TBC1D30: variants seen among roughly 807,000 people sequenced by gnomAD.
TBC1D30 encodes TBC1 domain family, member 30.
A neutral mutation model predicts 63.2 loss-of-function variants in TBC1D30; 31 were observed. The ratio of observed to expected loss-of-function variants is 0.49; its 90% CI spans 0.37 to 0.66. The LOEUF (loss-of-function observed/expected upper bound fraction) is 0.66, where lower values mean the gene tolerates loss of function less well. Among genes scored for constraint, TBC1D30 ranks in the 30% least tolerant of loss-of-function variants. The pLI, the probability that TBC1D30 is intolerant of heterozygous loss-of-function variation, is 0.00. For missense variants in TBC1D30, 810 were observed against 953.6 expected, an observed-to-expected ratio of 0.85 and a Z score of 1.98; for synonymous variants, 307 against 361.5, an observed-to-expected ratio of 0.85 and a Z score of 1.71.
At chr12:64,781,404 CTT>C (rs1871280161) in intron 1 of TBC1D30, 7 of 959,930 alleles carry the variant, frequency 7.3e-6, no homozygotes, top group South Asian at 8.2e-5. Flanking sequence ...GATACTGTCT[CTT>C]TGGATCTGAC....
At chr12:64,785,949 C>T in exon 2 of TBC1D30, 1 of 1,289,858 alleles carries the variant, frequency 7.8e-7, no homozygotes, top group South Asian at 1.2e-5. Context: ...GGCCAAGTTA[C>T]TTCGGCATCT....
At chr12:64,838,154 A>G (rs1001410322) in intron 6 of TBC1D30, among the ~76,000 whole-genome samples, 3 of 152,144 alleles carry the variant, frequency 2.0e-5, no homozygotes, top group Non-Finnish European at 4.4e-5. Context: ...TTTAAATGTA[A>G]TGTTTATTCT....
chr12:64,836,448 G>A (rs1186299019), intron 5 of TBC1D30, 42 bp from the exon 6 acceptor site: 14 of 1,492,534 alleles, frequency 9.4e-6, no homozygotes, highest in Non-Finnish European at 1.3e-5. Context: ...TGGGATCCCA[G>A]TTTTTACAAA....
intron 11 of TBC1D30, among the ~76,000 whole-genome samples, chr12:64,872,649 G>A (rs1429353847): frequency 6.6e-6 from 1 of 152,170 alleles, no homozygotes; most frequent in Non-Finnish European, 1.5e-5. Context: ...AGGCACTGCT[G>A]GTGCTGCTGC....
In TBC1D30 at chr12:64,878,898, TCTA is replaced by T. The variant is rs1355403149; in HGVS notation, c.*3114_*3116del. Reference sequence around the variant, plus strand: ...AGTTTACCTAAAATTAACCTTTAGATCTACTATTTATTTTTGTCTTAATAAAAT... The same window carrying T: ...AGTTTACCTAAAATTAACCTTTAGATCTATTTATTTTTGTCTTAATAAAAT... On this transcript the variant is annotated 3_prime_UTR_variant, in exon 12 of 12. Coordinates refer to ENST00000539867, the MANE Select transcript of TBC1D30 (RefSeq NM_015279.2). The T allele has an allele frequency of 1.2e-5, 2 of 170,612 alleles. No homozygotes were observed. Among genetic ancestry groups the T allele is most frequent in the Non-Finnish European group, 2.6e-5 (2 of 78,274 alleles). 10.6% of individuals were successfully genotyped at this position (170,612 alleles called of 1,614,324 possible). A position where few individuals can be genotyped will look rare whatever the true frequency, so the allele number is the denominator to read the frequency against.
chr12:64,807,519 G>GT (rs1450669920), intron 2 of TBC1D30, among the ~76,000 whole-genome samples: 4 of 152,148 alleles, frequency 2.6e-5, no homozygotes, highest in African/African-American at 9.7e-5. Context: ...CACAAAAGGG[G>GT]TAAGATGGTA....
intron 2 of TBC1D30, among the ~76,000 whole-genome samples, chr12:64,804,707 C>G (rs770765388): frequency 1.1e-4 from 16 of 152,140 alleles, no homozygotes; most frequent in Non-Finnish European, 1.9e-4. Flanking sequence ...GCACAAAATT[C>G]ATTTTTTTCC....
At chr12:64,826,836 C>A (rs1385753148) in intron 1 of TBC1D30, among the ~76,000 whole-genome samples, 3 of 152,166 alleles carry the variant, frequency 2.0e-5, no homozygotes, top group Non-Finnish European at 4.4e-5. Context: ...TCCAGGGTTC[C>A]AAGAACACCT....
chr12:64,818,322 A>G (rs1873677106), intron 2 of TBC1D30: 1 of 838,076 alleles, frequency 1.2e-6, no homozygotes, highest in South Asian at 5.4e-5. Context: ...ATTGCAACAT[A>G]TATAATACTT....
intron 2 of TBC1D30, among the ~76,000 whole-genome samples, chr12:64,816,017 T>G (rs1026445305): frequency 3.4e-5 from 5 of 147,154 alleles, no homozygotes; most frequent in Non-Finnish European, 7.4e-5. Context: ...TATATGAAAA[T>G]TTGATTTGTT....
At chr12:64,867,016 A>G in intron 10 of TBC1D30, 113 bp downstream of exon 10, 2 of 1,221,004 alleles carry the variant, frequency 1.6e-6, no homozygotes, top group Non-Finnish European at 2.2e-6. Flanking sequence ...TACAACTATT[A>G]AAAGTCTTTA....
chr12:64,804,998 C>T (rs553004609), intron 2 of TBC1D30, among the ~76,000 whole-genome samples: 11 of 152,124 alleles, frequency 7.2e-5, no homozygotes, highest in Non-Finnish European at 1.5e-4. Context: ...GTCAGAAGTT[C>T]GAGACCAGCC....
At chr12:64,772,387 T>A (rs1247011382) in intron 1 of TBC1D30, among the ~76,000 whole-genome samples, 1 of 152,090 alleles carries the variant, frequency 6.6e-6, no homozygotes, top group East Asian at 1.9e-4. Context: ...AACCAGACTT[T>A]GTTGGTGGCC....
intron 1 of TBC1D30, among the ~76,000 whole-genome samples, chr12:64,767,558 C>T (rs1194500641): frequency 2.6e-5 from 4 of 152,032 alleles, no homozygotes. Context: ...ACAGAATGAA[C>T]AACAAAAGAC....
chr12:64,814,724 T>C (rs1565653637), intron 2 of TBC1D30, among the ~76,000 whole-genome samples: 1 of 152,212 alleles, frequency 6.6e-6, no homozygotes, highest in Non-Finnish European at 1.5e-5. Context: ...ATGAGTATAA[T>C]AGGCCACGCT....
chr12:64,854,195 A>T (rs1877106571), intron 8 of TBC1D30, among the ~76,000 whole-genome samples: 1 of 149,682 alleles, frequency 6.7e-6, no homozygotes, highest in Non-Finnish European at 1.5e-5. Flanking sequence ...TGTGAAGGTG[A>T]TTTTTCTCTG....
At chr12:64,770,069 G>T (rs1385558259) in intron 1 of TBC1D30, among the ~76,000 whole-genome samples, 1 of 152,066 alleles carries the variant, frequency 6.6e-6, no homozygotes, top group Non-Finnish European at 1.5e-5. Flanking sequence ...CTAATTATAA[G>T]GAAAAAGTAA....
At chr12:64,844,134 A>C (rs1019977310) in intron 8 of TBC1D30, among the ~76,000 whole-genome samples, 1 of 152,142 alleles carries the variant, frequency 6.6e-6, no homozygotes, top group African/African-American at 2.4e-5. Context: ...GTGGGGAATA[A>C]ATTATTGAGG....
rs188385733 is a variant in TBC1D30, at chr12:64,875,428, C to T, written c.1926C>T (p.Phe642=). Residue 642 remains phenylalanine, a synonymous_variant, in exon 12 of 12, where the codon TTC becomes TTT. Transcript: ENST00000539867. ...AGGGGCAGTCTCCGGAGCCGGTGTT[C>T]GGAGATGCTGATGTGGATGTGTCTG... The part of the protein sequence containing the change: ...TIEGQSPEPV[F]GDADVDVSAV... The T allele has an allele frequency of 1.6e-4, 243 of 1,536,132 alleles. 1 individual carries two copies. The African/African-American group carries it at 2.0e-3, about 13-fold the overall frequency.
Sources: gnomAD v4.1 joint callset for allele counts (sites outside exome capture counted in the v4.1 genomes callset) on GRCh38, gnomAD v4.1.1 for gene constraint, MANE v1.5 for transcripts, NCBI Gene and HGNC (gene_info 2026-07-23, HGNC 2026-07-21) for gene names.